The following SLC16A7 variants were observed in gnomAD, a reference collection of about 807,000 sequenced individuals.
SLC16A7 encodes the protein monocarboxylate transporter 2.
In SLC16A7, 33 loss-of-function variants were observed where a neutral mutation model predicts 34.9. The observed-to-expected ratio is 0.94, with a 90% CI of 0.72 to 1.26. SLC16A7 has a LOEUF of 1.26. Ranked by LOEUF, SLC16A7 falls within the 50% of genes most tolerant of loss-of-function variation. The pLI is 0.00. For synonymous variants in SLC16A7, 201 were observed against 206.6 expected, an observed-to-expected ratio of 0.97 and a Z score of 0.23; for missense variants, 573 against 578.1, an observed-to-expected ratio of 0.99 and a Z score of 0.09.
At chr12:59,674,275 G>A (rs528135203) in intron 2 of SLC16A7, among the ~76,000 whole-genome samples, 5 of 152,202 alleles carry the variant, frequency 3.3e-5, no homozygotes, top group Admixed American at 3.3e-4. Flanking sequence ...ATCTCTAAAA[G>A]GATTATATAC....
At chr12:59,754,648 A>T (rs1169226115) in intron 3 of SLC16A7, among the ~76,000 whole-genome samples, 1 of 152,176 alleles carries the variant, frequency 6.6e-6, no homozygotes, top group Non-Finnish European at 1.5e-5. Flanking sequence ...CCAGGACCAG[A>T]TGGATTCACA....
At chr12:59,715,867 GT>G (rs1874841449) in intron 3 of SLC16A7, among the ~76,000 whole-genome samples, 1 of 149,466 alleles carries the variant, frequency 6.7e-6, no homozygotes. Context: ...TTTTATTACA[GT>G]TTGTTTATCT....
At chr12:59,644,640 T>C (rs1276434604) in intron 1 of SLC16A7, among the ~76,000 whole-genome samples, 1 of 152,190 alleles carries the variant, frequency 6.6e-6, no homozygotes, top group East Asian at 1.9e-4. Context: ...TGTAATATAA[T>C]ATCATAAATA....
chr12:59,779,067 C>T (rs542015398), intron 5 of SLC16A7, among the ~76,000 whole-genome samples: 15 of 151,960 alleles, frequency 9.9e-5, no homozygotes, highest in Non-Finnish European at 5.9e-5. Flanking sequence ...GCAATCCTAA[C>T]GTGTGCTGTA....
chr12:59,760,389 T>C (rs1024688263), intron 3 of SLC16A7, among the ~76,000 whole-genome samples: 2 of 152,070 alleles, frequency 1.3e-5, no homozygotes, highest in Non-Finnish European at 2.9e-5. Context: ...CTGCATTTCA[T>C]AGTAAACTCA....
chr12:59,776,057 T>TAAA (rs1882730704), intron 5 of SLC16A7, among the ~76,000 whole-genome samples: 1 of 152,186 alleles, frequency 6.6e-6, no homozygotes, highest in African/African-American at 2.4e-5. Flanking sequence ...TCCATGTTTA[T>TAAA]AAATTGGAAA....
rs1883223177 is a variant in SLC16A7, at chr12:59,781,221, G to T, written c.*1542G>T. 6.6e-6 allele frequency: 1 copy of T among 152,344 alleles called. No individual in the cohort carries two copies. Among genetic ancestry groups the T allele is most frequent in the Admixed American group, 6.6e-5 (1 of 15,212 alleles). 9.4% of individuals were successfully genotyped at this position (152,344 alleles called of 1,614,324 possible). On this transcript the variant is annotated 3_prime_UTR_variant, in exon 6 of 6. Transcript: ENST00000547379. Reference sequence around the variant, plus strand: ...TGAGAAAGTACTTTTAAACAAGAAAGAAATTGTACATTATGACTAAAGTTA... The same window carrying T: ...TGAGAAAGTACTTTTAAACAAGAAATAAATTGTACATTATGACTAAAGTTA...
At chr12:59,669,901 A>G (rs1326769801) in intron 2 of SLC16A7, among the ~76,000 whole-genome samples, 2 of 152,188 alleles carry the variant, frequency 1.3e-5, no homozygotes, top group Non-Finnish European at 2.9e-5. Flanking sequence ...GTCTAGTGTG[A>G]GAATAATGTG....
At position 59,688,947 on chromosome 12, in the gene SLC16A7, G is replaced by A. The variant is rs115494938; in HGVS notation, c.-30-15825G>A. On this transcript the variant is annotated intron_variant, in intron 2 of 5. Coordinates refer to ENST00000547379, the MANE Select transcript of SLC16A7 (RefSeq NM_001270623.2). Reference sequence around the variant, plus strand: ...CTGTATATATTATGCCATTATAGTGGTATTATATCAACTTAATATAATTAA... The same window carrying A: ...CTGTATATATTATGCCATTATAGTGATATTATATCAACTTAATATAATTAA... Among the ~76,000 whole-genome samples the A allele has an allele frequency of 2.0e-3, 303 of 151,922 alleles. 1 individual carries two copies. Among genetic ancestry groups the A allele is most frequent in the African/African-American group, 7.1e-3 (293 of 41,456 alleles).
chr12:59,607,676 AT>A (rs1262611285), intron 1 of SLC16A7, among the ~76,000 whole-genome samples: 4 of 151,932 alleles, frequency 2.6e-5, no homozygotes, highest in African/African-American at 4.8e-5. Flanking sequence ...TAACTCTAAT[AT>A]TTTTTTCTAA....
In SLC16A7 at chr12:59,783,134, T is replaced by C. The variant is rs1883364924; in HGVS notation, c.*3455T>C. ...TGAAGAGATATTCTTGGTCAGTTGG[T>C]TGAAACATTTTTTATCTAAAACACC... On this transcript the variant is annotated 3_prime_UTR_variant, in exon 6 of 6. Transcript: ENST00000547379. The C allele has an allele frequency of 1.3e-5, 2 of 152,162 alleles. No homozygotes were observed. The highest frequency in any genetic ancestry group is 1.3e-4 in the Admixed American group (2 of 15,258). The allele number at this position is 152,162 out of a possible 1,614,324, so 9.4% of individuals were successfully genotyped here.
chr12:59,694,903 T>G (rs2137108562), intron 2 of SLC16A7, among the ~76,000 whole-genome samples: 1 of 151,884 alleles, frequency 6.6e-6, no homozygotes, highest in Middle Eastern at 3.4e-3. Context: ...TCAAGCAGAG[T>G]CTTCCTGGAT....
At chr12:59,753,951 C>G (rs1316590101) in intron 3 of SLC16A7, among the ~76,000 whole-genome samples, 1 of 152,172 alleles carries the variant, frequency 6.6e-6, no homozygotes, top group Non-Finnish European at 1.5e-5. Context: ...GATTAAGAAA[C>G]TCACTCAAAA....
chr12:59,754,605 G>C (rs2137351509), intron 3 of SLC16A7, among the ~76,000 whole-genome samples: 1 of 152,254 alleles, frequency 6.6e-6, no homozygotes, highest in East Asian at 1.9e-4. Context: ...TGAAATTGTG[G>C]CAATAATCAA....
intron 5 of SLC16A7, among the ~76,000 whole-genome samples, chr12:59,779,036 A>G (rs1258097059): frequency 6.6e-6 from 1 of 152,100 alleles, no homozygotes; most frequent in Non-Finnish European, 1.5e-5. Flanking sequence ...TGAAGAGAAA[A>G]GGAAGCATGG....
intron 2 of SLC16A7, among the ~76,000 whole-genome samples, chr12:59,697,656 A>G (rs991229839): frequency 2.6e-5 from 4 of 151,548 alleles, no homozygotes; most frequent in African/African-American, 4.8e-5. Flanking sequence ...AGGCACTTAT[A>G]CTATAATTGC....
At chr12:59,624,372 C>T (rs1879829712) in intron 1 of SLC16A7, among the ~76,000 whole-genome samples, 1 of 151,542 alleles carries the variant, frequency 6.6e-6, no homozygotes, top group South Asian at 2.1e-4. Context: ...TTTATGTCTT[C>T]TTTTTGATAA....
At chr12:59,686,894 A>G (rs556082111) in intron 2 of SLC16A7, among the ~76,000 whole-genome samples, 7 of 152,172 alleles carry the variant, frequency 4.6e-5, no homozygotes, top group African/African-American at 1.7e-4. Flanking sequence ...GCAGTTAATA[A>G]CAATATATTA....
chr12:59,733,985 T>C (rs1031511071), intron 3 of SLC16A7: 7 of 368,324 alleles, frequency 1.9e-5, no homozygotes, highest in East Asian at 1.5e-4. Flanking sequence ...TGCATGCTGA[T>C]TGGTCTGTGG....
Sources: allele counts gnomAD v4.1 joint callset (sites outside exome capture counted in the v4.1 genomes callset), GRCh38; gene constraint gnomAD v4.1.1; transcripts MANE v1.5; gene names NCBI Gene and HGNC (gene_info 2026-07-23, HGNC 2026-07-21).